The following DLGAP1 variants were observed in gnomAD, a reference collection of about 807,000 sequenced individuals.
DLGAP1 encodes the protein disks large-associated protein 1.
Under a neutral mutation model 90.8 loss-of-function variants are expected in DLGAP1, and 11 were observed. That is an observed-to-expected ratio of 0.12 (90% CI 0.08 to 0.20). The LOEUF is 0.20. Among genes scored for constraint, DLGAP1 ranks in the 10% least tolerant of loss-of-function variants. The probability of loss-of-function intolerance (pLI) is 1.00; values close to 1 mark genes in which losing one functional copy is unlikely to be tolerated. For synonymous variants in DLGAP1, 558 were observed against 540.7 expected (o/e 1.03, Z -0.44); for missense variants, 1,050 against 1,333.8 (o/e 0.79, Z 3.31).
chr18:3,597,481 A>G (rs1568269934), intron 7 of DLGAP1: 2 of 352,372 alleles, frequency 5.7e-6, no homozygotes, highest in Non-Finnish European at 1.1e-5. Context: ...GTGCAGAGTG[A>G]GTGGCCTGTG....
In DLGAP1 at chr18:4,224,596, C is replaced by T. The variant is rs565049672; in HGVS notation, c.-266-73309G>A. Among the ~76,000 whole-genome samples, 10 of 152,158 alleles carry T rather than the reference C, an allele frequency of 6.6e-5. No individual in the cohort carries two copies. In the East Asian group the frequency reaches 1.8e-3, roughly 27 times the overall value. On this transcript the variant is annotated intron_variant, in intron 1 of 12. Coordinates refer to ENST00000315677, the MANE Select transcript of DLGAP1 (RefSeq NM_004746.4). ...TGCAGGCCTGTGGTGGTGGCAGACA[C>T]GGAGGAAGACGCCTCTGCTTGTGGA...
intron 8 of DLGAP1, among the ~76,000 whole-genome samples, chr18:3,572,069 G>GTTTT (rs67491547): frequency 6.6e-5 from 7 of 105,622 alleles, no homozygotes; most frequent in Admixed American, 1.2e-4. Flanking sequence ...TTTCTTCTAG[G>GTTTT]TTTTTTTTTT....
intron 5 of DLGAP1, among the ~76,000 whole-genome samples, chr18:3,768,372 C>T (rs2064354354): frequency 6.6e-6 from 1 of 152,078 alleles, no homozygotes; most frequent in South Asian, 2.1e-4. Context: ...AATGTCAATT[C>T]TCCCCAAATT....
chr18:3,580,808 C>T, intron 8 of DLGAP1: 1 of 1,567,392 alleles, frequency 6.4e-7, no homozygotes, highest in South Asian at 1.1e-5. Context: ...GAAGCGTCTT[C>T]CACCTGCCGT....
intron 1 of DLGAP1, among the ~76,000 whole-genome samples, chr18:4,317,298 C>T (rs1284922773): frequency 6.6e-6 from 1 of 152,172 alleles, no homozygotes; most frequent in Non-Finnish European, 1.5e-5. Context: ...AATTCTTCAT[C>T]TATTACCATC....
intron 7 of DLGAP1, among the ~76,000 whole-genome samples, chr18:3,728,323 TATATAC>T (rs1441428995): frequency 0.056 from 5,226 of 93,410 alleles, 355 homozygotes; most frequent in African/African-American, 0.25. Flanking sequence ...TATATATATA[TATATAC>T]ATGTTTCATA....
intron 3 of DLGAP1, among the ~76,000 whole-genome samples, chr18:3,899,838 T>C (rs981574858): frequency 4.6e-5 from 7 of 152,222 alleles, no homozygotes; most frequent in Non-Finnish European, 8.8e-5. Context: ...CTAAGATCCT[T>C]GGCGTATAGC....
At chr18:4,351,935 T>TA (rs1056983464) in intron 1 of DLGAP1, among the ~76,000 whole-genome samples, 4 of 152,192 alleles carry the variant, frequency 2.6e-5, no homozygotes. Context: ...AGTTTTTCCA[T>TA]AAAAATCCTA....
At chr18:4,453,398 T>A (rs2083883313) in intron 1 of DLGAP1, among the ~76,000 whole-genome samples, 1 of 152,204 alleles carries the variant, frequency 6.6e-6, no homozygotes, top group South Asian at 2.1e-4. Context: ...ATTAGGATCT[T>A]GTAAAATTTC....
rs756157301 is a variant in DLGAP1 at position 3,880,047 on chromosome 18, G to T, written c.22C>A (p.Arg8Ser). The T allele has an allele frequency of 5.6e-6, 9 of 1,603,400 alleles. No individual in the cohort carries two copies. In the East Asian group the frequency reaches 1.6e-4, roughly 28 times the overall value. The change falls in exon 4 of 13, where the codon CGC becomes AGC. Residue 8 changes from arginine (R) to serine (S), a missense_variant. Physicochemically the swap from Arg to Ser is moderately radical, Grantham distance 110. Transcript: ENST00000315677. ...CAGGTGACCCCGTGGTGATGGCTGC[G>T]GCTGCCTGATAGCCCTTTCATGGCG... MKGLSGS[R>S]SHHHGVTCDS... is the part of the protein sequence containing the mutation.
At chr18:4,130,481 T>A (rs2076297194) in intron 2 of DLGAP1, among the ~76,000 whole-genome samples, 1 of 152,218 alleles carries the variant, frequency 6.6e-6, no homozygotes, top group Admixed American at 6.5e-5. Context: ...ACTTGTAAGT[T>A]CAGGACATTC....
At chr18:4,081,839 G>A (rs2075612849) in intron 2 of DLGAP1, among the ~76,000 whole-genome samples, 1 of 152,280 alleles carries the variant, frequency 6.6e-6, no homozygotes, top group East Asian at 1.9e-4. Context: ...TTCAAGTCCA[G>A]TCATTTTTCC....
chr18:3,745,719 T>G (rs2063239714), intron 5 of DLGAP1, among the ~76,000 whole-genome samples: 1 of 152,230 alleles, frequency 6.6e-6, no homozygotes, highest in Non-Finnish European at 1.5e-5. Flanking sequence ...AGATGGAGTC[T>G]TGCTTTATTG....
chr18:4,054,892 C>T (rs1412415635), intron 2 of DLGAP1, among the ~76,000 whole-genome samples: 1 of 152,072 alleles, frequency 6.6e-6, no homozygotes, highest in Non-Finnish European at 1.5e-5. Context: ...AGAAAATTCC[C>T]TTTTTATATT....
intron 5 of DLGAP1, among the ~76,000 whole-genome samples, chr18:3,801,683 C>G (rs2066298949): frequency 6.6e-6 from 1 of 152,060 alleles, no homozygotes; most frequent in South Asian, 2.1e-4. Flanking sequence ...TTAGTCATTA[C>G]TATTCTTCAA....
chr18:3,996,309 G>T (rs1386557418), intron 3 of DLGAP1, among the ~76,000 whole-genome samples: 1 of 152,058 alleles, frequency 6.6e-6, no homozygotes, highest in Non-Finnish European at 1.5e-5. Context: ...GTGTGACTGA[G>T]AAATGGAGTT....
At chr18:4,045,131 C>T (rs1350521579) in intron 2 of DLGAP1, among the ~76,000 whole-genome samples, 3 of 151,414 alleles carry the variant, frequency 2.0e-5, no homozygotes, top group African/African-American at 7.4e-5. Context: ...TAATGGGCAA[C>T]AGTCCTCCAC....
At chr18:4,238,004 A>G (rs1027699772) in intron 1 of DLGAP1, among the ~76,000 whole-genome samples, 6 of 152,174 alleles carry the variant, frequency 3.9e-5, no homozygotes, top group African/African-American at 1.4e-4. Flanking sequence ...ATCCTGGTTG[A>G]GCATCCCAAA....
intron 3 of DLGAP1, among the ~76,000 whole-genome samples, chr18:3,923,187 T>C (rs2072306519): frequency 6.7e-6 from 1 of 148,878 alleles, no homozygotes; most frequent in Admixed American, 6.7e-5. Context: ...ACAGTGTTCA[T>C]ACTGTTCATT....
Sources: allele counts gnomAD v4.1 joint callset (sites outside exome capture counted in the v4.1 genomes callset), GRCh38; gene constraint gnomAD v4.1.1; transcripts MANE v1.5; gene names NCBI Gene and HGNC (gene_info 2026-07-23, HGNC 2026-07-21).